The following CCSER1 variants were observed in gnomAD, a reference collection of about 807,000 sequenced individuals.
CCSER1 encodes coiled-coil serine rich protein 1.
A neutral mutation model predicts 82.0 loss-of-function variants in CCSER1; 41 were observed. That is an observed-to-expected ratio of 0.50 (90% CI 0.39 to 0.65). The LOEUF (loss-of-function observed/expected upper bound fraction) is 0.65. CCSER1 is among the 30% of genes least tolerant of loss of function. The probability of loss-of-function intolerance (pLI) is 0.00; values close to 1 mark genes in which losing one functional copy is unlikely to be tolerated. For synonymous variants in CCSER1, 414 were observed against 383.9 expected, an observed-to-expected ratio of 1.08 and a Z score of -0.92; for missense variants, 1,119 against 1,064.2, an observed-to-expected ratio of 1.05 and a Z score of -0.72.
rs374243283 is a variant in CCSER1, at chr4:91,039,117, C to A, written c.2173-46833C>A. On this transcript the variant is annotated intron_variant, in intron 9 of 10. Coordinates refer to ENST00000509176, the MANE Select transcript of CCSER1 (RefSeq NM_001145065.2). The stretch of plus-strand genomic sequence containing the variant: ...AATCATAGCTCACTGCAGCCTCAAC[C>A]ACTTGGCTCAAGCAATCCTCCCACC... Among the ~76,000 whole-genome samples the A allele has an allele frequency of 1.6e-4, 24 of 152,242 alleles. 1 individual carries two copies. Among genetic ancestry groups the A allele is most frequent in the African/African-American group, 5.8e-4 (24 of 41,556 alleles).
intron 10 of CCSER1, among the ~76,000 whole-genome samples, chr4:91,535,034 T>C (rs1367715448): frequency 6.6e-6 from 1 of 151,896 alleles, no homozygotes; most frequent in Non-Finnish European, 1.5e-5. Flanking sequence ...CTACAGATAA[T>C]TTTATTTTGT....
intron 7 of CCSER1, among the ~76,000 whole-genome samples, chr4:90,760,538 A>G (rs572708314): frequency 1.3e-5 from 2 of 152,076 alleles, no homozygotes; most frequent in Non-Finnish European, 2.9e-5. Context: ...GACATAGAAC[A>G]ATCATTTTGA....
intron 5 of CCSER1, among the ~76,000 whole-genome samples, chr4:90,479,592 G>A (rs1216032579): frequency 2.7e-5 from 4 of 150,310 alleles, no homozygotes; most frequent in African/African-American, 7.4e-5. Context: ...TGTACTCATT[G>A]ATCAATTCCC....
rs367848676 is a variant in CCSER1, at chr4:90,368,815, A to G, written c.1510-31221A>G. The stretch of plus-strand genomic sequence containing the variant: ...AAAAAAATTTAAATGACAACCAAAA[A>G]GTCTTTTCCATATAGATCAAATAAA... On this transcript the variant is annotated intron_variant, in intron 3 of 10. Transcript: ENST00000509176. Among the ~76,000 whole-genome samples, 50 of 151,948 alleles carry G rather than the reference A, an allele frequency of 3.3e-4. No individual in the cohort carries two copies. The East Asian group carries it at 8.1e-3, about 25-fold the overall frequency.
chr4:90,424,550 C>A (rs1219702495), intron 4 of CCSER1, among the ~76,000 whole-genome samples: 1 of 152,082 alleles, frequency 6.6e-6, no homozygotes, highest in East Asian at 1.9e-4. Flanking sequence ...TTTGTCCAAT[C>A]CCTACTTACT....
chr4:90,950,568 G>A (rs1732795449), intron 9 of CCSER1, among the ~76,000 whole-genome samples: 1 of 151,892 alleles, frequency 6.6e-6, no homozygotes, highest in Non-Finnish European at 1.5e-5. Flanking sequence ...CACAGCTCTA[G>A]CTGTCTGATT....
At chr4:90,461,166 C>T (rs979608590) in intron 4 of CCSER1, among the ~76,000 whole-genome samples, 1 of 122,818 alleles carries the variant, frequency 8.1e-6, no homozygotes, top group Non-Finnish European at 1.6e-5. Flanking sequence ...CCCGGGTTCA[C>T]GCCATTCTCC....
intron 9 of CCSER1, among the ~76,000 whole-genome samples, chr4:91,052,399 T>C (rs1743084738): frequency 6.6e-6 from 1 of 152,094 alleles, no homozygotes; most frequent in Non-Finnish European, 1.5e-5. Context: ...TACTCTTTAA[T>C]AGTAACTTAC....
chr4:90,604,585 C>T (rs937463437), intron 5 of CCSER1, among the ~76,000 whole-genome samples: 4 of 152,160 alleles, frequency 2.6e-5, no homozygotes, highest in African/African-American at 9.7e-5. Context: ...ACATTGCAGG[C>T]GAGCTGCCCG....
At chr4:91,382,289 T>C (rs764864708) in intron 10 of CCSER1, among the ~76,000 whole-genome samples, 22 of 152,198 alleles carry the variant, frequency 1.4e-4, no homozygotes, top group Non-Finnish European at 2.5e-4. Context: ...TGTTCGGCTA[T>C]GGCCTGCCCC....
At chr4:90,688,301 G>T (rs1050760613) in intron 6 of CCSER1, among the ~76,000 whole-genome samples, 2 of 152,068 alleles carry the variant, frequency 1.3e-5, no homozygotes, top group African/African-American at 4.8e-5. Flanking sequence ...ATCTTAAAGT[G>T]TGTGTGTGCA....
At chr4:91,547,015 G>C (rs764873981) in intron 10 of CCSER1, among the ~76,000 whole-genome samples, 1 of 120,252 alleles carries the variant, frequency 8.3e-6, no homozygotes, top group Non-Finnish European at 1.8e-5. Context: ...GGAGTGTGTT[G>C]TTTAAATTCC....
intron 10 of CCSER1, among the ~76,000 whole-genome samples, chr4:91,539,946 C>T (rs544612356): frequency 3.3e-5 from 5 of 151,748 alleles, no homozygotes; most frequent in African/African-American, 7.3e-5. Flanking sequence ...TGATGTGATT[C>T]GATAAAAGAA....
intron 4 of CCSER1, among the ~76,000 whole-genome samples, chr4:90,437,298 T>C (rs1361663412): frequency 3.3e-5 from 5 of 152,058 alleles, no homozygotes; most frequent in Non-Finnish European, 5.9e-5. Context: ...CATATATATA[T>C]ACACACAGAT....
chr4:90,254,369 G>A (rs114423950), intron 1 of CCSER1, among the ~76,000 whole-genome samples: 1,901 of 152,232 alleles, frequency 0.012, 28 homozygotes, highest in African/African-American at 0.036. Flanking sequence ...AGAATGCTTG[G>A]CAGGGGCAGT....
At chr4:90,822,462 C>T (rs1388703064) in intron 8 of CCSER1, among the ~76,000 whole-genome samples, 1 of 152,190 alleles carries the variant, frequency 6.6e-6, no homozygotes, top group East Asian at 1.9e-4. Context: ...GGCCTGGTGA[C>T]TCACGCCTGT....
At chr4:90,310,219 A>T (rs1000237068) in intron 2 of CCSER1, among the ~76,000 whole-genome samples, 8 of 152,074 alleles carry the variant, frequency 5.3e-5, no homozygotes, top group Non-Finnish European at 1.2e-4. Context: ...GACATTAACT[A>T]ACTGTGCAAC....
intron 8 of CCSER1, among the ~76,000 whole-genome samples, chr4:90,828,457 A>G (rs965478773): frequency 6.6e-6 from 1 of 152,174 alleles, no homozygotes; most frequent in Admixed American, 6.6e-5. Flanking sequence ...GCATGATTTC[A>G]TCATGTCTTC....
intron 5 of CCSER1, among the ~76,000 whole-genome samples, chr4:90,543,016 A>G (rs1297740887): frequency 6.6e-6 from 1 of 152,124 alleles, no homozygotes; most frequent in Non-Finnish European, 1.5e-5. Context: ...TCATAGAAAC[A>G]TTGGCATTTA....
Sources: allele counts gnomAD v4.1 joint callset (sites outside exome capture counted in the v4.1 genomes callset), GRCh38; gene constraint gnomAD v4.1.1; transcripts MANE v1.5; gene names NCBI Gene and HGNC (gene_info 2026-07-23, HGNC 2026-07-21).